Variants in EDIL3 observed in about 807,000 individuals in gnomAD.
EDIL3 encodes the protein EGF-like repeat and discoidin I-like domain-containing protein 3.
EDIL3 carries 37 observed loss-of-function variants against 67.4 expected under a neutral mutation model. That is an observed-to-expected ratio of 0.55 (90% CI 0.42 to 0.72). The LOEUF (loss-of-function observed/expected upper bound fraction) is 0.72, where lower values mean the gene tolerates loss of function less well. EDIL3 is among the 30% of genes least tolerant of loss of function. The pLI, the probability that EDIL3 is intolerant of heterozygous loss-of-function variation, is 0.00. For synonymous variants in EDIL3, 195 were observed against 196.3 expected, an observed-to-expected ratio of 0.99 and a Z score of 0.05; for missense variants, 527 against 586.3, an observed-to-expected ratio of 0.90 and a Z score of 1.04.
At chr5:84,224,010 G>C (rs1194441518) in intron 3 of EDIL3, among the ~76,000 whole-genome samples, 1 of 150,996 alleles carries the variant, frequency 6.6e-6, no homozygotes, top group Non-Finnish European at 1.5e-5. Context: ...TCCAAACTCA[G>C]TTCCACTTGT....
chr5:84,249,178 ATT>A (rs1744971195), intron 2 of EDIL3, among the ~76,000 whole-genome samples: 1 of 150,930 alleles, frequency 6.6e-6, no homozygotes, highest in Non-Finnish European at 1.5e-5. Flanking sequence ...TCTACACACT[ATT>A]TTCTCTGTCT....
intron 5 of EDIL3, among the ~76,000 whole-genome samples, chr5:84,120,542 T>C (rs1245413922): frequency 6.6e-6 from 1 of 152,024 alleles, no homozygotes; most frequent in East Asian, 1.9e-4. Flanking sequence ...GGCATGAAAA[T>C]CATCTAAAAA....
In EDIL3 at chr5:84,254,323, A is replaced by G. The variant is rs1475640336; in HGVS notation, c.68-111T>C. The G allele has an allele frequency of 3.2e-6, 4 of 1,239,074 alleles. No individual in the cohort carries two copies. The Admixed American group carries it at 1.2e-4, about 37-fold the overall frequency. 76.8% of individuals were successfully genotyped at this position (1,239,074 alleles called of 1,614,324 possible). A position where few individuals can be genotyped will look rare whatever the true frequency, so the allele number is the denominator to read the frequency against. ...CCTTGGCAAAGTCAAAAGTCAGGGT[A>G]ATATTAAGATTCACACATAAGATCT... is the stretch of plus-strand genomic sequence containing the variant. On this transcript the variant is annotated intron_variant, in intron 1 of 10. Transcript: ENST00000296591.
chr5:84,067,926 T>C (rs1402074213), intron 6 of EDIL3, among the ~76,000 whole-genome samples: 2 of 152,206 alleles, frequency 1.3e-5, no homozygotes, highest in Non-Finnish European at 2.9e-5. Flanking sequence ...TGGACTCAGA[T>C]ATCCAAGTTA....
intron 1 of EDIL3, among the ~76,000 whole-genome samples, chr5:84,322,959 C>T (rs1746680295): frequency 6.6e-6 from 1 of 151,904 alleles, no homozygotes; most frequent in Non-Finnish European, 1.5e-5. Flanking sequence ...ATCCTGTATC[C>T]TGCAATACTG....
chr5:84,065,338 A>G (rs1403836749), intron 7 of EDIL3, among the ~76,000 whole-genome samples: 1 of 152,180 alleles, frequency 6.6e-6, no homozygotes, highest in African/African-American at 2.4e-5. Context: ...AACCAGTCCC[A>G]TGTACTTGGA....
rs903503706 is a variant in EDIL3, at chr5:84,329,322, G to A, written c.67+54986C>T. On this transcript the variant is annotated intron_variant, in intron 1 of 10. Coordinates refer to ENST00000296591, the MANE Select transcript of EDIL3 (RefSeq NM_005711.5). ...AAAAGTTTGACAGTTTCCATTAAATGTGTGCTGATATTTTTCTGTAATACT... is the reference window on the plus strand; with the variant it reads ...AAAAGTTTGACAGTTTCCATTAAATATGTGCTGATATTTTTCTGTAATACT... Among the ~76,000 whole-genome samples, 5 of 152,156 alleles carry A rather than the reference G, an allele frequency of 3.3e-5. 1 individual carries two copies. In the South Asian group the frequency reaches 1.0e-3, roughly 32 times the overall value.
At chr5:84,084,126 C>T (rs1313069187) in intron 6 of EDIL3, among the ~76,000 whole-genome samples, 1 of 151,954 alleles carries the variant, frequency 6.6e-6, no homozygotes, top group East Asian at 1.9e-4. Context: ...TCCTATATAG[C>T]AAGAAATAAA....
intron 1 of EDIL3, among the ~76,000 whole-genome samples, chr5:84,365,363 T>C (rs1359270354): frequency 1.3e-5 from 2 of 152,144 alleles, no homozygotes; most frequent in Non-Finnish European, 2.9e-5. Flanking sequence ...CATTTTAACA[T>C]CCTGAGTTCC....
At chr5:84,038,588 C>T (rs1018322748) in intron 9 of EDIL3, among the ~76,000 whole-genome samples, 1 of 152,168 alleles carries the variant, frequency 6.6e-6, no homozygotes, top group South Asian at 2.1e-4. Context: ...CAAGGGAGTA[C>T]CTTTCAAAAG....
intron 9 of EDIL3, among the ~76,000 whole-genome samples, chr5:84,004,114 C>T (rs1162945979): frequency 2.0e-5 from 3 of 151,972 alleles, no homozygotes; most frequent in African/African-American, 7.3e-5. Context: ...TTCAATTCAA[C>T]AAGAAGACAT....
intron 9 of EDIL3, among the ~76,000 whole-genome samples, chr5:83,968,655 C>T (rs960550265): frequency 2.0e-5 from 3 of 151,872 alleles, no homozygotes; most frequent in Admixed American, 6.6e-5. Context: ...GCATCATCTG[C>T]CTGAATACAA....
chr5:84,082,349 A>T (rs1746986093), intron 6 of EDIL3, among the ~76,000 whole-genome samples: 1 of 152,232 alleles, frequency 6.6e-6, no homozygotes, highest in African/African-American at 2.4e-5. Context: ...GAAAACTGTG[A>T]TGTTCTTTAT....
At chr5:84,338,629 T>G (rs1747036106) in intron 1 of EDIL3, among the ~76,000 whole-genome samples, 1 of 152,160 alleles carries the variant, frequency 6.6e-6, no homozygotes, top group Admixed American at 6.6e-5. Flanking sequence ...AAATAAGCCT[T>G]GTAACAAAAC....
chr5:84,029,708 T>C (rs764224470), intron 9 of EDIL3, among the ~76,000 whole-genome samples: 1 of 152,136 alleles, frequency 6.6e-6, no homozygotes, highest in Non-Finnish European at 1.5e-5. Flanking sequence ...AAAACTTCTA[T>C]TATGGCAGGC....
intron 4 of EDIL3, among the ~76,000 whole-genome samples, chr5:84,166,003 A>C (rs940977200): frequency 6.6e-6 from 1 of 152,108 alleles, no homozygotes; most frequent in Admixed American, 6.6e-5. Context: ...CTTTGTTTCC[A>C]TCTGCCCTCT....
chr5:84,019,756 GT>G (rs935403177), intron 9 of EDIL3, among the ~76,000 whole-genome samples: 30 of 152,118 alleles, frequency 2.0e-4, no homozygotes, highest in African/African-American at 6.7e-4. Flanking sequence ...CTTGTGAAGA[GT>G]TGATAGGCAA....
At chr5:84,153,747 G>A (rs1160900610) in intron 4 of EDIL3, among the ~76,000 whole-genome samples, 2 of 152,160 alleles carry the variant, frequency 1.3e-5, no homozygotes, top group Non-Finnish European at 2.9e-5. Flanking sequence ...ACAGGAGTGA[G>A]CCACCGCACC....
At chr5:84,174,881 C>G (rs1378306376) in intron 4 of EDIL3, among the ~76,000 whole-genome samples, 3 of 152,102 alleles carry the variant, frequency 2.0e-5, no homozygotes, top group African/African-American at 7.2e-5. Context: ...CTCTGCATAC[C>G]TGGCCCTGGG....
Sources: gnomAD v4.1 joint callset for allele counts (sites outside exome capture counted in the v4.1 genomes callset) on GRCh38, gnomAD v4.1.1 for gene constraint, MANE v1.5 for transcripts, NCBI Gene and HGNC (gene_info 2026-07-23, HGNC 2026-07-21) for gene names.